Variants in DPY19L2 observed in about 807,000 individuals in gnomAD.
The protein encoded by DPY19L2 is probable C-mannosyltransferase DPY19L2.
A neutral mutation model predicts 97.9 loss-of-function variants in DPY19L2; 34 were observed. That is an observed-to-expected ratio of 0.35 (90% confidence interval 0.26 to 0.46). DPY19L2 has a LOEUF of 0.46. Among genes scored for constraint, DPY19L2 ranks in the 20% least tolerant of loss-of-function variants. The probability of loss-of-function intolerance (pLI) is 1.00; values close to 1 mark genes in which losing one functional copy is unlikely to be tolerated. For missense variants in DPY19L2, 623 were observed against 911.4 expected (o/e 0.68, Z 4.07); for synonymous variants, 230 against 307.9 (o/e 0.75, Z 2.65).
intron 6 of DPY19L2, among the ~76,000 whole-genome samples, chr12:63,630,583 T>C (rs1890429129): frequency 6.6e-6 from 1 of 152,068 alleles, no homozygotes; most frequent in African/African-American, 2.4e-5. Context: ...CTGAGTGACC[T>C]ACAAAGAGAC....
chr12:63,628,160 T>C (rs1208221140), intron 6 of DPY19L2, among the ~76,000 whole-genome samples: 1 of 152,058 alleles, frequency 6.6e-6, no homozygotes, highest in Non-Finnish European at 1.5e-5. Flanking sequence ...GACGGGTGAT[T>C]TCTGCATTTC....
At position 63,616,551 on chromosome 12, in the gene DPY19L2, G is replaced by C. The variant is rs549137910; in HGVS notation, c.1218+753C>G. ...GATCAGTGTGGAGATGGGAGGTACA[G>C]GAGAATATTCTAGGTTCTGGCTTAT... is the stretch of plus-strand genomic sequence containing the variant. On this transcript the variant is annotated intron_variant, in intron 11 of 21. Transcript: ENST00000324472. 5.4e-3 allele frequency among the ~76,000 whole-genome samples: 819 copies of C among 152,180 alleles called. 9 individuals are homozygous for C. The highest frequency in any genetic ancestry group is 0.019 in the African/African-American group (783 of 41,514).
At chr12:63,635,822 A>G (rs1891581407) in intron 6 of DPY19L2, among the ~76,000 whole-genome samples, 1 of 152,198 alleles carries the variant, frequency 6.6e-6, no homozygotes, top group Non-Finnish European at 1.5e-5. Flanking sequence ...TGAAAGTGAC[A>G]GGGAGAATGG....
chr12:63,629,454 G>A (rs1262179357), intron 6 of DPY19L2, among the ~76,000 whole-genome samples: 2 of 152,178 alleles, frequency 1.3e-5, no homozygotes, highest in African/African-American at 2.4e-5. Flanking sequence ...TCAACTGGAA[G>A]AAAGGGTATC....
chr12:63,654,022 T>A (rs1036817799), intron 4 of DPY19L2, among the ~76,000 whole-genome samples: 1 of 151,670 alleles, frequency 6.6e-6, no homozygotes, highest in African/African-American at 2.4e-5. Context: ...TAAACAAATT[T>A]AAAAAAATGC....
At chr12:63,565,026 T>C (rs1323571698) in intron 21 of DPY19L2, among the ~76,000 whole-genome samples, 2 of 152,202 alleles carry the variant, frequency 1.3e-5, no homozygotes, top group Non-Finnish European at 2.9e-5. Context: ...TTTGATGTTA[T>C]TACAGTCACA....
At chr12:63,619,508 T>A (rs1393932594) in intron 9 of DPY19L2, among the ~76,000 whole-genome samples, 1 of 151,422 alleles carries the variant, frequency 6.6e-6, no homozygotes, top group Non-Finnish European at 1.5e-5. Context: ...AACAGCAATA[T>A]CAAACTTCTT....
chr12:63,588,057 T>C (rs940381566), intron 16 of DPY19L2, among the ~76,000 whole-genome samples: 3 of 152,086 alleles, frequency 2.0e-5, no homozygotes. Context: ...ACAATAATGA[T>C]TGATAATAAA....
chr12:63,658,821 C>T (rs1369403077), intron 4 of DPY19L2, among the ~76,000 whole-genome samples: 1 of 152,086 alleles, frequency 6.6e-6, no homozygotes, highest in Non-Finnish European at 1.5e-5. Flanking sequence ...GTTTCTATTT[C>T]TATAAAATTC....
intron 7 of DPY19L2, among the ~76,000 whole-genome samples, 200 bp downstream of exon 7, chr12:63,626,269 G>A (rs1889519617): frequency 6.6e-6 from 1 of 151,228 alleles, no homozygotes; most frequent in Non-Finnish European, 1.5e-5. Context: ...TAAAAATAAG[G>A]CAAGAGATTT....
chr12:63,595,641 T>C (rs1034922105), intron 15 of DPY19L2, among the ~76,000 whole-genome samples: 2 of 152,158 alleles, frequency 1.3e-5, no homozygotes, highest in African/African-American at 4.8e-5. Flanking sequence ...ATTTGCTTCA[T>C]GTTTGCACCC....
At chr12:63,666,845 A>G (rs949234277) in intron 1 of DPY19L2, among the ~76,000 whole-genome samples, 10 of 152,292 alleles carry the variant, frequency 6.6e-5, no homozygotes, top group African/African-American at 1.9e-4. Flanking sequence ...TTGGCAAGTC[A>G]TCTTATAAAC....
chr12:63,600,710 G>A (rs1885014159), intron 12 of DPY19L2, among the ~76,000 whole-genome samples: 1 of 150,036 alleles, frequency 6.7e-6, no homozygotes, highest in Admixed American at 6.7e-5. Context: ...GACAGAGGAA[G>A]GGGGGATTTG....
intron 12 of DPY19L2, among the ~76,000 whole-genome samples, chr12:63,600,910 C>G (rs1176311554): frequency 6.6e-6 from 1 of 151,804 alleles, no homozygotes; most frequent in African/African-American, 2.4e-5. Flanking sequence ...CTCAGCCTCC[C>G]GAGTAGCTGG....
intron 12 of DPY19L2, among the ~76,000 whole-genome samples, chr12:63,607,447 A>G (rs1886244206): frequency 6.6e-6 from 1 of 152,180 alleles, no homozygotes; most frequent in South Asian, 2.1e-4. Flanking sequence ...ACAAAGAATA[A>G]TAAAAAGACA....
chr12:63,623,415 C>T (rs1442123007), intron 8 of DPY19L2, among the ~76,000 whole-genome samples: 1 of 152,098 alleles, frequency 6.6e-6, no homozygotes, highest in Admixed American at 6.5e-5. Flanking sequence ...ATCAAAACCA[C>T]AGGTTAGAAA....
chr12:63,572,685 T>A (rs896085173), intron 19 of DPY19L2, among the ~76,000 whole-genome samples: 4 of 151,936 alleles, frequency 2.6e-5, no homozygotes, highest in African/African-American at 4.8e-5. Context: ...GCCACAGAGA[T>A]GCTTATATCA....
At chr12:63,646,556 AG>A (rs1893435727) in intron 5 of DPY19L2, among the ~76,000 whole-genome samples, 1 of 152,170 alleles carries the variant, frequency 6.6e-6, no homozygotes, top group Non-Finnish European at 1.5e-5. Flanking sequence ...AAGAATTTGA[AG>A]AAATAAAGAA....
chr12:63,663,788 C>T lies in DPY19L2; in HGVS notation c.420G>A (p.Leu140=), dbSNP rs1895984467. ...CAGTGCGAAAAGTCATCTCCCGTTC[C>T]AAAGATGAGAGGTGAGAGAAATGAC... ...NDRHFSHLSS[L]EREMTFRTEM... The change falls in exon 3 of 22, where the codon TTG becomes TTA. Residue 140 remains leucine (L), a synonymous_variant. Coordinates refer to ENST00000324472, the MANE Select transcript of DPY19L2 (RefSeq NM_173812.5). The T allele has an allele frequency of 6.2e-7, 1 of 1,603,180 alleles. No homozygotes were observed. Among genetic ancestry groups the T allele is most frequent in the African/African-American group, 1.3e-5 (1 of 74,186 alleles).
Sources: allele counts gnomAD v4.1 joint callset (sites outside exome capture counted in the v4.1 genomes callset), GRCh38; gene constraint gnomAD v4.1.1; transcripts MANE v1.5; gene names NCBI Gene and HGNC (gene_info 2026-07-23, HGNC 2026-07-21).